PPFIBP1: variants seen among roughly 807,000 people sequenced by gnomAD.
The protein encoded by PPFIBP1 is liprin-beta-1.
A neutral mutation model predicts 137.8 loss-of-function variants in PPFIBP1; 112 were observed. The ratio of observed to expected loss-of-function variants is 0.81; its 90% CI spans 0.70 to 0.95. The LOEUF (loss-of-function observed/expected upper bound fraction) is 0.95. Among genes scored for constraint, PPFIBP1 ranks in the 40% least tolerant of loss-of-function variants. The pLI is 0.00. For missense variants in PPFIBP1, 1,083 were observed against 1,196.6 expected, an observed-to-expected ratio of 0.91 and a Z score of 1.40; for synonymous variants, 378 against 417.3, an observed-to-expected ratio of 0.91 and a Z score of 1.15.
intron 11 of PPFIBP1, 114 bp downstream of exon 11, chr12:27,661,059 G>A (rs2059514645): frequency 2.1e-6 from 3 of 1,433,476 alleles, no homozygotes; most frequent in Admixed American, 4.6e-5. Context: ...AACACTGCTA[G>A]GAGTGAGGGG....
chr12:27,548,446 A>T (rs1368565094), intron 1 of PPFIBP1: 1 of 152,204 alleles, frequency 6.6e-6, no homozygotes, highest in Non-Finnish European at 1.5e-5. Context: ...CCAAAGGATA[A>T]GTCAATATGC....
chr12:27,671,393 T>TTTGA (rs762463678), intron 13 of PPFIBP1, 38 bp from the exon 14 acceptor site: 5 of 1,219,078 alleles, frequency 4.1e-6, no homozygotes, highest in Non-Finnish European at 5.8e-6. Context: ...TGTGTTTTGT[T>TTTGA]TTGATTGATT....
chr12:27,589,307 T>G (rs75912062), intron 2 of PPFIBP1, among the ~76,000 whole-genome samples: 2,643 of 152,316 alleles, frequency 0.017, 47 homozygotes, highest in Non-Finnish European at 0.025. Context: ...GACTCTATTC[T>G]TGTGGCCAGT....
intron 2 of PPFIBP1, among the ~76,000 whole-genome samples, chr12:27,582,375 C>T (rs1054724060): frequency 6.6e-6 from 1 of 152,032 alleles, no homozygotes; most frequent in African/African-American, 2.4e-5. Context: ...GGGAGAGGGT[C>T]CAAGGCATTT....
At chr12:27,545,850 G>C (rs1946188078) in intron 1 of PPFIBP1, among the ~76,000 whole-genome samples, 1 of 152,162 alleles carries the variant, frequency 6.6e-6, no homozygotes, top group Admixed American at 6.5e-5. Context: ...CCCCCAACCG[G>C]CCGCCTCTCA....
intron 2 of PPFIBP1, among the ~76,000 whole-genome samples, chr12:27,589,330 C>T (rs184907364): frequency 3.9e-5 from 6 of 152,204 alleles, no homozygotes; most frequent in Admixed American, 3.3e-4. Flanking sequence ...GACTTGGATC[C>T]GTGCATCCTC....
intron 2 of PPFIBP1, among the ~76,000 whole-genome samples, chr12:27,603,403 T>A (rs2054200059): frequency 6.6e-6 from 1 of 152,236 alleles, no homozygotes; most frequent in East Asian, 1.9e-4. Flanking sequence ...TCCTTGGCAA[T>A]ACCCTTCTGG....
chr12:27,680,982 T>C (rs1309381455), intron 21 of PPFIBP1, among the ~76,000 whole-genome samples: 1 of 151,694 alleles, frequency 6.6e-6, no homozygotes, highest in African/African-American at 2.4e-5. Context: ...GTAGAGCTCC[T>C]TGTACTATTT....
intron 13 of PPFIBP1, among the ~76,000 whole-genome samples, chr12:27,668,591 C>T (rs11049088): frequency 1.3e-5 from 2 of 152,192 alleles, no homozygotes; most frequent in Non-Finnish European, 2.9e-5. Flanking sequence ...TCTTCATTTT[C>T]CATTATCTCT....
chr12:27,603,898 C>T (rs1046353685), intron 2 of PPFIBP1, among the ~76,000 whole-genome samples: 3 of 152,128 alleles, frequency 2.0e-5, no homozygotes, highest in African/African-American at 7.2e-5. Flanking sequence ...GAATTTTGCA[C>T]AAAATATGTT....
intron 19 of PPFIBP1, among the ~76,000 whole-genome samples, chr12:27,678,992 G>A (rs992449454): frequency 6.6e-6 from 1 of 152,002 alleles, no homozygotes; most frequent in Non-Finnish European, 1.5e-5. Context: ...AGAGCCTAGA[G>A]AGAGAGATTA....
intron 4 of PPFIBP1, among the ~76,000 whole-genome samples, chr12:27,645,841 A>G (rs1231698249): frequency 6.6e-6 from 1 of 152,130 alleles, no homozygotes; most frequent in Non-Finnish European, 1.5e-5. Flanking sequence ...TTGATAAGAA[A>G]TTGTTTACTT....
chr12:27,558,568 TCTTC>T (rs1397981316), intron 1 of PPFIBP1, among the ~76,000 whole-genome samples: 1 of 83,094 alleles, frequency 1.2e-5, no homozygotes, highest in Non-Finnish European at 2.5e-5. Context: ...GTATATATAC[TCTTC>T]CTTCCTGCCC....
At chr12:27,627,125 T>C (rs1450242939) in intron 2 of PPFIBP1, among the ~76,000 whole-genome samples, 3 of 152,226 alleles carry the variant, frequency 2.0e-5, no homozygotes, top group Non-Finnish European at 2.9e-5. Flanking sequence ...CCAATTCTTT[T>C]AGTTATTTAT....
Position 27,547,337 on chromosome 12 carries a change from G to A in PPFIBP1, c.-124+22972G>A, listed in dbSNP as rs532986901. 4 of 152,302 alleles carry A rather than the reference G, an allele frequency of 2.6e-5. No individual in the cohort carries two copies. The East Asian group carries it at 5.8e-4, about 22-fold the overall frequency. The allele number at this position is 152,302 out of a possible 1,614,324, so 9.4% of individuals were successfully genotyped here. A position where few individuals can be genotyped will look rare whatever the true frequency, so the allele number is the denominator to read the frequency against. On this transcript the variant is annotated intron_variant, in intron 1 of 29. Coordinates refer to ENST00000228425, the MANE Select transcript of PPFIBP1 (RefSeq NM_003622.4). ...TCCTGTCCCTGTTGACTGGGTTGGT[G>A]TTCAGAAAGTGATCTGAGCTGAATA...
intron 2 of PPFIBP1, among the ~76,000 whole-genome samples, chr12:27,605,108 C>G (rs778165019): frequency 6.6e-6 from 1 of 152,088 alleles, no homozygotes; most frequent in Non-Finnish European, 1.5e-5. Context: ...CAGAGTCAAA[C>G]CATATGATTA....
chr12:27,550,943 T>G (rs1458429594), intron 1 of PPFIBP1, among the ~76,000 whole-genome samples: 3 of 150,940 alleles, frequency 2.0e-5, no homozygotes, highest in South Asian at 2.1e-4. Context: ...GTGGCAGTGC[T>G]TTCATGTGCT....
At chr12:27,644,659 C>A (rs2139407213) in intron 4 of PPFIBP1, among the ~76,000 whole-genome samples, 1 of 152,234 alleles carries the variant, frequency 6.6e-6, no homozygotes, top group East Asian at 1.9e-4. Context: ...GTTGTCCAGG[C>A]CACTCCATCA....
At chr12:27,670,424 A>G (rs1246168729) in intron 13 of PPFIBP1, among the ~76,000 whole-genome samples, 1 of 152,242 alleles carries the variant, frequency 6.6e-6, no homozygotes, top group Non-Finnish European at 1.5e-5. Context: ...ACACACATAG[A>G]ATAATAATTA....
Sources: gnomAD v4.1 joint callset for allele counts (sites outside exome capture counted in the v4.1 genomes callset) on GRCh38, gnomAD v4.1.1 for gene constraint, MANE v1.5 for transcripts, NCBI Gene and HGNC (gene_info 2026-07-23, HGNC 2026-07-21) for gene names.